CCDC148: variants seen among roughly 807,000 people sequenced by gnomAD.
CCDC148 encodes the protein coiled-coil domain-containing protein 148.
CCDC148 carries 89 observed loss-of-function variants against 85.7 expected under a neutral mutation model. The observed-to-expected ratio is 1.04, with a 90% CI of 0.87 to 1.24. The LOEUF is 1.24. CCDC148 is among the 50% of genes most tolerant of loss of function. CCDC148 has a pLI of 0.00. For synonymous variants in CCDC148, 230 were observed against 213.9 expected (o/e 1.08, Z -0.66); for missense variants, 692 against 671.7 (o/e 1.03, Z -0.33).
intron 1 of CCDC148, among the ~76,000 whole-genome samples, chr2:158,383,172 C>T (rs1318691307): frequency 6.6e-6 from 1 of 151,786 alleles, no homozygotes; most frequent in African/African-American, 2.4e-5. Flanking sequence ...TAAAAATTAG[C>T]TGGGCATGGT....
chr2:158,308,072 T>C (rs1009885650), intron 9 of CCDC148, among the ~76,000 whole-genome samples: 1 of 152,218 alleles, frequency 6.6e-6, no homozygotes, highest in African/African-American at 2.4e-5. Context: ...TGCATGTCTA[T>C]GGTTGGTATT....
intron 9 of CCDC148, among the ~76,000 whole-genome samples, chr2:158,284,606 CT>C (rs1690526942): frequency 6.6e-6 from 1 of 152,148 alleles, no homozygotes; most frequent in Admixed American, 6.5e-5. Flanking sequence ...TCCTTGATAA[CT>C]GGAGCAATTA....
At chr2:158,277,521 T>A (rs1467394206) in intron 9 of CCDC148, among the ~76,000 whole-genome samples, 3 of 152,216 alleles carry the variant, frequency 2.0e-5, no homozygotes, top group Non-Finnish European at 4.4e-5. Context: ...CTATACTAAA[T>A]GCCAGGAACT....
At chr2:158,429,561 AAAG>A (rs2105331121) in intron 1 of CCDC148, among the ~76,000 whole-genome samples, 2 of 152,326 alleles carry the variant, frequency 1.3e-5, no homozygotes, top group South Asian at 4.2e-4. Flanking sequence ...ACCTTTCAAG[AAAG>A]AAGGAGCCAA....
intron 1 of CCDC148, among the ~76,000 whole-genome samples, chr2:158,378,747 T>C (rs11903093): frequency 0.12 from 18,034 of 152,090 alleles, 1,630 homozygotes; most frequent in African/African-American, 0.25. Context: ...GCTCTATAAA[T>C]GGAGCAACAA....
At chr2:158,452,931 C>A (rs1055591815) in intron 1 of CCDC148, among the ~76,000 whole-genome samples, 1 of 152,214 alleles carries the variant, frequency 6.6e-6, no homozygotes, top group African/African-American at 2.4e-5. Flanking sequence ...AAATGTAACC[C>A]TTAACTTGCT....
chr2:158,411,323 G>C (rs1411027254), intron 1 of CCDC148, among the ~76,000 whole-genome samples: 1 of 151,878 alleles, frequency 6.6e-6, no homozygotes, highest in African/African-American at 2.4e-5. Context: ...CTGATAATTT[G>C]TATACTGGTT....
rs1164635127 is a variant in CCDC148, at chr2:158,415,299, T to A, written c.25+41116A>T. ...GTGAAGGGTGAGGTGCTATACACTT[T>A]TAAACAACCAGCTCTCTTAAGAATT... On this transcript the variant is annotated intron_variant, in intron 1 of 13. Transcript: ENST00000283233. Among the ~76,000 whole-genome samples, 5 of 151,966 alleles carry A rather than the reference T, an allele frequency of 3.3e-5. No homozygotes were observed. In the South Asian group the frequency reaches 8.3e-4, roughly 25 times the overall value.
chr2:158,351,739 C>T (rs1377086245), intron 2 of CCDC148, among the ~76,000 whole-genome samples: 1 of 152,134 alleles, frequency 6.6e-6, no homozygotes, highest in Non-Finnish European at 1.5e-5. Context: ...TCAAGGAGGC[C>T]TGCCTGCCTC....
At chr2:158,247,276 AAAAT>A (rs1354722600) in intron 10 of CCDC148, among the ~76,000 whole-genome samples, 17 of 152,230 alleles carry the variant, frequency 1.1e-4, no homozygotes. Flanking sequence ...AATACAAATT[AAAAT>A]ATTTATAAGA....
At chr2:158,315,956 C>T (rs1166257954) in intron 7 of CCDC148, among the ~76,000 whole-genome samples, 1 of 152,212 alleles carries the variant, frequency 6.6e-6, no homozygotes, top group Admixed American at 6.5e-5. Context: ...CACTTTCTTG[C>T]TTACACATTT....
chr2:158,271,984 T>A lies in CCDC148; in HGVS notation c.1111-21072A>T, dbSNP rs559204997. Among the ~76,000 whole-genome samples the A allele has an allele frequency of 1.4e-4, 22 of 152,320 alleles. No individual in the cohort carries two copies. In the East Asian group the frequency reaches 4.1e-3, roughly 28 times the overall value. On this transcript the variant is annotated intron_variant, in intron 9 of 13. Transcript: ENST00000283233. ...AGGCATCCTACATCCTTTGCTTCCA[T>A]GTGACAAGTTGCATTAATTCATTCT...
intron 11 of CCDC148, among the ~76,000 whole-genome samples, chr2:158,191,256 TC>T (rs1685410764): frequency 6.6e-6 from 1 of 151,984 alleles, no homozygotes; most frequent in Non-Finnish European, 1.5e-5. Flanking sequence ...GTTTGAAAAA[TC>T]CCCATTACAT....
chr2:158,285,773 T>A (rs1035137040), intron 9 of CCDC148, among the ~76,000 whole-genome samples: 7 of 151,816 alleles, frequency 4.6e-5, no homozygotes, highest in Admixed American at 3.9e-4. Context: ...CCTGACCTCA[T>A]GATCCACCCG....
chr2:158,372,271 C>T (rs1684474418), intron 1 of CCDC148, among the ~76,000 whole-genome samples: 1 of 152,026 alleles, frequency 6.6e-6, no homozygotes. Flanking sequence ...GACAAATTCA[C>T]ACAGCTTCCA....
chr2:158,208,472 A>G (rs908370891), intron 11 of CCDC148, among the ~76,000 whole-genome samples: 2 of 152,030 alleles, frequency 1.3e-5, no homozygotes, highest in Non-Finnish European at 2.9e-5. Flanking sequence ...GCTCTGCCCT[A>G]TGGATGCTGC....
At chr2:158,227,045 A>G (rs895024385) in intron 10 of CCDC148, among the ~76,000 whole-genome samples, 2 of 152,046 alleles carry the variant, frequency 1.3e-5, no homozygotes, top group African/African-American at 4.8e-5. Flanking sequence ...ATGATTGTAT[A>G]TCTAGAAAAC....
At chr2:158,226,670 T>C (rs891832599) in intron 10 of CCDC148, among the ~76,000 whole-genome samples, 1 of 152,220 alleles carries the variant, frequency 6.6e-6, no homozygotes, top group Non-Finnish European at 1.5e-5. Context: ...TCAATAAACA[T>C]AATCCAGCAT....
chr2:158,391,955 G>A (rs1218318476), intron 1 of CCDC148, among the ~76,000 whole-genome samples: 2 of 152,070 alleles, frequency 1.3e-5, no homozygotes, highest in Non-Finnish European at 2.9e-5. Flanking sequence ...AAATCAAAAG[G>A]AGAACAGTCC....
Sources: allele counts gnomAD v4.1 joint callset (sites outside exome capture counted in the v4.1 genomes callset), GRCh38; gene constraint gnomAD v4.1.1; transcripts MANE v1.5; gene names NCBI Gene and HGNC (gene_info 2026-07-23, HGNC 2026-07-21).